The following IGSF3 variants were observed in gnomAD, a reference collection of about 807,000 sequenced individuals.
IGSF3 encodes glu-Trp-Ile EWI motif-containing protein 3.
In IGSF3, 23 loss-of-function variants were observed where a neutral mutation model predicts 114.4. That is an observed-to-expected ratio of 0.20 (90% CI 0.14 to 0.28). The LOEUF is 0.28. Ranked by LOEUF, IGSF3 falls within the 10% of genes least tolerant of loss-of-function variation. The pLI is 1.00. For missense variants in IGSF3, 1,172 were observed against 1,591.5 expected, an observed-to-expected ratio of 0.74 and a Z score of 4.48; for synonymous variants, 571 against 645.2, an observed-to-expected ratio of 0.88 and a Z score of 1.74.
In IGSF3 at chr1:116,616,684, G is replaced by A. The variant is rs1285143657; in HGVS notation, c.44-227C>T. On this transcript the variant is annotated intron_variant, in intron 2 of 10. Coordinates refer to ENST00000369486, the MANE Select transcript of IGSF3 (RefSeq NM_001007237.3). This position sits in a 1 kb window ranked among gnomAD's most constrained non-coding sequence, Gnocchi z 6.6. ...TATGGGAATTTGATCATGCCAAGAT[G>A]TGCTTTTGTTACTTATTCAACAGCT... Among the ~76,000 whole-genome samples, 1 of 152,186 alleles carries A rather than the reference G, an allele frequency of 6.6e-6. No individual in the cohort carries two copies. The highest frequency in any genetic ancestry group is 2.4e-5 in the African/African-American group (1 of 41,428).
Position 116,585,010 on chromosome 1 carries a change from A to G in IGSF3, c.2483T>C (p.Val828Ala). ...RLSQAQGNLS[V>A]LETRQVQLEC... is the part of the protein sequence containing the mutation. ...CAGCTGTACCTGCCGGGTCTCCAGAACCGACAGGTTCCCCTGGGCTTGGCT... is the reference window on the plus strand; with the variant it reads ...CAGCTGTACCTGCCGGGTCTCCAGAGCCGACAGGTTCCCCTGGGCTTGGCT... The change falls in exon 9 of 11, where the codon GTT (valine) becomes GCT (alanine). Residue 828 changes from valine (V) to alanine (A), a missense_variant. Coordinates refer to ENST00000369486, the MANE Select transcript of IGSF3 (RefSeq NM_001007237.3). The surrounding 1 kb of genome is among the most constrained non-coding windows in gnomAD (Gnocchi z 4.9). 1.9e-6 allele frequency: 3 copies of G among 1,567,012 alleles called. No individual in the cohort carries two copies. In the South Asian group the frequency reaches 3.6e-5, roughly 19 times the overall value.
At chr1:116,653,429 C>G (rs1328248771) in intron 2 of IGSF3, among the ~76,000 whole-genome samples, 5 of 152,308 alleles carry the variant, frequency 3.3e-5, no homozygotes, top group East Asian at 1.9e-4. Context: ...TACTTCCCCC[C>G]AAATCAGAGA....
rs1392899062 is a variant in IGSF3 at position 116,666,317 on chromosome 1, A to T, written c.10T>A (p.Phe4Ile). The T allele has an allele frequency of 6.2e-7, 1 of 1,614,148 alleles. No homozygotes were observed. The highest frequency in any genetic ancestry group is 8.5e-7 in the Non-Finnish European group (1 of 1,179,986). Residue 4 changes from phenylalanine to isoleucine, a missense_variant, in exon 2 of 11, where the codon TTT (phenylalanine) becomes ATT (isoleucine). Phe to Ile is a conservative substitution (Grantham distance 21). Coordinates refer to ENST00000369486, the MANE Select transcript of IGSF3 (RefSeq NM_001007237.3). ...GCCAGACAGCTCAGCACCGGGAAAAAGCACTTCATGTCGGCAGCCTCCAGG... is the reference window on the plus strand; with the variant it reads ...GCCAGACAGCTCAGCACCGGGAAAATGCACTTCATGTCGGCAGCCTCCAGG... MKC[F>I]FPVLSCLAVL...
rs141309036 is a variant in IGSF3 at position 116,650,282 on chromosome 1, C to T, written c.43+16002G>A. Among the ~76,000 whole-genome samples, 4,338 of 152,290 alleles carry T rather than the reference C, an allele frequency of 0.028. 70 individuals carry two copies. The highest frequency in any genetic ancestry group is 0.058 in the African/African-American group (2,421 of 41,544). The stretch of plus-strand genomic sequence containing the variant: ...CAGGGGCTTGGCCCTCAGGGTTTTT[C>T]CCATCTCTTCCCGTCTGCTGGCCTC... On this transcript the variant is annotated intron_variant, in intron 2 of 10. Coordinates refer to ENST00000369486, the MANE Select transcript of IGSF3 (RefSeq NM_001007237.3). The surrounding 1 kb of genome is among the most constrained non-coding windows in gnomAD (Gnocchi z 5.0).
In IGSF3 at chr1:116,579,423, T is replaced by G. The variant is rs547890036; in HGVS notation, c.3303A>C (p.Ser1101=). Residue 1101 remains serine, a synonymous_variant, in exon 10 of 11, where the codon TCA becomes TCC. Coordinates refer to ENST00000369486, the MANE Select transcript of IGSF3 (RefSeq NM_001007237.3). The surrounding 1 kb of genome is among the most constrained non-coding windows in gnomAD (Gnocchi z 6.4). ...CTAGAACACGGATGCCGATGGGGGC[T>G]GACTCCTCCTCCGTCAGCCGGTACC... The part of the protein sequence containing the change: ...KEWYRLTEEE[S]APIGIRVLDT... The G allele has an allele frequency of 1.1e-5, 17 of 1,596,552 alleles. No individual in the cohort carries two copies. In the East Asian group the frequency reaches 3.8e-4, roughly 36 times the overall value.
In IGSF3 at chr1:116,666,759, C is replaced by A; in HGVS notation, c.-433G>T. 2.3e-6 allele frequency: 1 copy of A among 439,922 alleles called. No homozygotes were observed. Among genetic ancestry groups the A allele is most frequent in the Non-Finnish European group, 4.0e-6 (1 of 251,130 alleles). The allele number at this position is 439,922 out of a possible 1,614,324, so 27.3% of individuals were successfully genotyped here. A position where few individuals can be genotyped will look rare whatever the true frequency, so the allele number is the denominator to read the frequency against. On this transcript the variant is annotated 5_prime_UTR_variant, in exon 2 of 11. Transcript: ENST00000369486. ...CCTCATTCGGATTCCCCAGAGAGAA[C>A]AGGGCAGGTTTCGTCAAAACCTTTG...
In IGSF3 at chr1:116,595,284, GCT is replaced by G. The variant is rs1464077816; in HGVS notation, c.2029+4655_2029+4656del. On this transcript the variant is annotated intron_variant, in intron 7 of 10. Transcript: ENST00000369486. This position sits in a 1 kb window ranked among gnomAD's most constrained non-coding sequence, Gnocchi z 4.2. ...GCCTGAGGGATCTGGGAGGGGCTGAGCTCTCCTCTTAGGGCTCTTGCACTGAC... is the reference window on the plus strand; with the variant it reads ...GCCTGAGGGATCTGGGAGGGGCTGAGCTCCTCTTAGGGCTCTTGCACTGAC... Among the ~76,000 whole-genome samples the G allele has an allele frequency of 1.3e-5, 2 of 152,158 alleles. No homozygotes were observed.
chr1:116,642,575 GGAA>G lies in IGSF3; in HGVS notation c.43+23706_43+23708del, dbSNP rs1396464818. Among the ~76,000 whole-genome samples, 1 of 152,238 alleles carries G rather than the reference GGAA, an allele frequency of 6.6e-6. No homozygotes were observed. The highest frequency in any genetic ancestry group is 1.5e-5 in the Non-Finnish European group (1 of 68,036). ...GGAGCTAAAAACTGTCATAGTGGTG[GGAA>G]GAAGCAGATTGGTTCAACAGGGTAA... is the stretch of plus-strand genomic sequence containing the variant. On this transcript the variant is annotated intron_variant, in intron 2 of 10. Coordinates refer to ENST00000369486, the MANE Select transcript of IGSF3 (RefSeq NM_001007237.3). This position sits in a 1 kb window ranked among gnomAD's most constrained non-coding sequence, Gnocchi z 5.4.
In IGSF3 at chr1:116,599,991, C is replaced by G; in HGVS notation, c.1979G>C (p.Arg660Pro). The G allele has an allele frequency of 6.5e-7, 1 of 1,548,566 alleles. No individual in the cohort carries two copies. Among genetic ancestry groups the G allele is most frequent in the Non-Finnish European group, 8.9e-7 (1 of 1,125,978 alleles). The change falls in exon 7 of 11, where the codon CGA (arginine) becomes CCA (proline). Residue 660 changes from arginine to proline, a missense_variant. Coordinates refer to ENST00000369486, the MANE Select transcript of IGSF3 (RefSeq NM_001007237.3). Reference sequence around the variant, plus strand: ...CAGGTTGGAGGTCCTCTCCGCCAGTCGCGTCCAGGTGTTGTTGTAGTTCTT... The same window carrying G: ...CAGGTTGGAGGTCCTCTCCGCCAGTGGCGTCCAGGTGTTGTTGTAGTTCTT... ...WRKNYNNTWT[R>P]LAERTSNLLE...
At chr1:116,613,680 A>G in intron 4 of IGSF3, 85 bp downstream of exon 4, 2 of 1,314,050 alleles carry the variant, frequency 1.5e-6, no homozygotes, top group Non-Finnish European at 2.1e-6. Flanking sequence ...AGAGGTGCCC[A>G]AAGAAGGAGT....
At chr1:116,623,436 A>G (rs1661479163) in intron 2 of IGSF3, among the ~76,000 whole-genome samples, 1 of 152,190 alleles carries the variant, frequency 6.6e-6, no homozygotes, top group African/African-American at 2.4e-5. Context: ...CTGTAATCCC[A>G]GCACTTTGGG....
chr1:116,666,306 C>A lies in IGSF3; in HGVS notation c.21G>T (p.Val7=). 6.2e-7 allele frequency: 1 copy of A among 1,614,170 alleles called. No homozygotes were observed. The highest frequency in any genetic ancestry group is 8.5e-7 in the Non-Finnish European group (1 of 1,180,020). The change falls in exon 2 of 11, where the codon GTG becomes GTT. Residue 7 remains valine, a synonymous_variant. Coordinates refer to ENST00000369486, the MANE Select transcript of IGSF3 (RefSeq NM_001007237.3). The part of the protein sequence containing the change: MKCFFP[V]LSCLAVLGVV... ...TACCCAGCACAGCCAGACAGCTCAG[C>A]ACCGGGAAAAAGCACTTCATGTCGG...
At chr1:116,609,341 G>A (rs1384161029) in intron 4 of IGSF3, among the ~76,000 whole-genome samples, 4 of 151,938 alleles carry the variant, frequency 2.6e-5, no homozygotes, top group Admixed American at 2.6e-4. Flanking sequence ...CGACTTCCCA[G>A]GCTCCAGCCA....
Position 116,582,390 on chromosome 1 carries a change from T to C in IGSF3, c.2848+2255A>G, listed in dbSNP as rs1424530152. 6.6e-6 allele frequency among the ~76,000 whole-genome samples: 1 copy of C among 152,244 alleles called. No homozygotes were observed. The highest frequency in any genetic ancestry group is 2.4e-5 in the African/African-American group (1 of 41,462). ...ATTCCTGGCCTGTGTGTGATGATTG[T>C]GGTTTTCTCCCTTCCCCAGTTGTGT... is the stretch of plus-strand genomic sequence containing the variant. On this transcript the variant is annotated intron_variant, in intron 9 of 10. Coordinates refer to ENST00000369486, the MANE Select transcript of IGSF3 (RefSeq NM_001007237.3). This position sits in a 1 kb window ranked among gnomAD's most constrained non-coding sequence, Gnocchi z 4.7.
rs2101093570 is a variant in IGSF3 at position 116,664,988 on chromosome 1, A to C, written c.43+1296T>G. Among the ~76,000 whole-genome samples, 1 of 152,354 alleles carries C rather than the reference A, an allele frequency of 6.6e-6. No homozygotes were observed. Among genetic ancestry groups the C allele is most frequent in the Non-Finnish European group, 1.5e-5 (1 of 68,034 alleles). ...AGCTTCCCCAGTGATTCCAACATGC[A>C]CACGAGAGTTTGAGAACCACTGATT... is the stretch of plus-strand genomic sequence containing the variant. On this transcript the variant is annotated intron_variant, in intron 2 of 10. Transcript: ENST00000369486. The surrounding 1 kb of genome is among the most constrained non-coding windows in gnomAD (Gnocchi z 4.6).
Position 116,584,395 on chromosome 1 carries a change from G to A in IGSF3, c.2848+250C>T. 2 of 488,490 alleles carry A rather than the reference G, an allele frequency of 4.1e-6. No homozygotes were observed. Among genetic ancestry groups the A allele is most frequent in the Non-Finnish European group, 7.3e-6 (2 of 274,960 alleles). 30.3% of individuals were successfully genotyped at this position (488,490 alleles called of 1,614,324 possible). A position where few individuals can be genotyped will look rare whatever the true frequency, so the allele number is the denominator to read the frequency against. ...GAAAAAGGAAATATTCTATGACCTG[G>A]AATAATTAATGGCCAGATTTTATTC... On this transcript the variant is annotated intron_variant, in intron 9 of 10. Coordinates refer to ENST00000369486, the MANE Select transcript of IGSF3 (RefSeq NM_001007237.3). This position sits in a 1 kb window ranked among gnomAD's most constrained non-coding sequence, Gnocchi z 5.8.
At chr1:116,631,435 G>A (rs1423992748) in intron 2 of IGSF3, among the ~76,000 whole-genome samples, 1 of 152,098 alleles carries the variant, frequency 6.6e-6, no homozygotes, top group Non-Finnish European at 1.5e-5. Context: ...AGATTGTTCT[G>A]GCAGAAGTGA....
rs1647930302 is a variant in IGSF3, at chr1:116,638,396, A to G, written c.44-21939T>C. Among the ~76,000 whole-genome samples the G allele has an allele frequency of 6.6e-6, 1 of 152,222 alleles. No individual in the cohort carries two copies. Among genetic ancestry groups the G allele is most frequent in the Admixed American group, 6.5e-5 (1 of 15,288 alleles). ...CCAGTCCACTCAGTAAACTACTGCC[A>G]TACAGGTCTCCCACAGCAGTTTCTC... On this transcript the variant is annotated intron_variant, in intron 2 of 10. Coordinates refer to ENST00000369486, the MANE Select transcript of IGSF3 (RefSeq NM_001007237.3). The surrounding 1 kb of genome is among the most constrained non-coding windows in gnomAD (Gnocchi z 4.1).
At position 116,618,357 on chromosome 1, in the gene IGSF3, T is replaced by C. The variant is rs1485891229; in HGVS notation, c.44-1900A>G. On this transcript the variant is annotated intron_variant, in intron 2 of 10. Transcript: ENST00000369486. The surrounding 1 kb of genome is among the most constrained non-coding windows in gnomAD (Gnocchi z 4.7). ...CAACTCATTAGTAATATCAGTATGT[T>C]AAAATATGATGCATAACATTTTTAC... is the stretch of plus-strand genomic sequence containing the variant. 6.6e-6 allele frequency among the ~76,000 whole-genome samples: 1 copy of C among 152,236 alleles called. No individual in the cohort carries two copies. The highest frequency in any genetic ancestry group is 1.5e-5 in the Non-Finnish European group (1 of 68,038).
Sources: allele counts gnomAD v4.1 joint callset (sites outside exome capture counted in the v4.1 genomes callset), GRCh38; gene constraint gnomAD v4.1.1; non-coding constraint Gnocchi (gnomAD v3.1); transcripts MANE v1.5; gene names NCBI Gene and HGNC (gene_info 2026-07-23, HGNC 2026-07-21).